C11orf65: variants seen among roughly 807,000 people sequenced by gnomAD.
C11orf65 encodes the protein protein MFI.
Under a neutral mutation model 35.3 loss-of-function variants are expected in C11orf65, and 38 were observed. The ratio of observed to expected loss-of-function variants is 1.08; its 90% confidence interval spans 0.83 to 1.41. The LOEUF is 1.41. Ranked by LOEUF, C11orf65 falls within the 40% of genes most tolerant of loss-of-function variation. The pLI is 0.00. For synonymous variants in C11orf65, 105 were observed against 114.4 expected (o/e 0.92, Z 0.53); for missense variants, 370 against 367.1 (o/e 1.01, Z -0.06).
intron 7 of C11orf65, 90 bp downstream of exon 7, chr11:108,393,118 T>C: frequency 7.4e-7 from 1 of 1,354,482 alleles, no homozygotes; most frequent in Non-Finnish European, 1.0e-6. Flanking sequence ...AGATTGTTTG[T>C]GGCCCCAAGA....
intron 6 of C11orf65, among the ~76,000 whole-genome samples, chr11:108,309,972 T>G (rs536283561): frequency 1.2e-3 from 175 of 152,170 alleles, no homozygotes; most frequent in Non-Finnish European, 2.3e-3. Context: ...CCAAAAAGAT[T>G]AATTAAATAG....
chr11:108,330,549 G>A, downstream of C11orf65: 1 of 927,714 alleles, frequency 1.1e-6, no homozygotes, highest in African/African-American at 1.6e-5. Flanking sequence ...CACATAAGTA[G>A]CATTTTGTAG....
At chr11:108,427,827 T>TA (rs2092927740) in intron 3 of C11orf65, among the ~76,000 whole-genome samples, 1 of 80,012 alleles carries the variant, frequency 1.2e-5, no homozygotes, top group East Asian at 3.0e-4. Context: ...ATGGCAATCT[T>TA]TTTTTTTTTT....
downstream of C11orf65, among the ~76,000 whole-genome samples, chr11:108,331,016 T>G (rs1042755060): frequency 6.6e-6 from 1 of 152,194 alleles, no homozygotes; most frequent in Non-Finnish European, 1.5e-5. Context: ...AGGAAAATAA[T>G]AAGACTCATA....
downstream of C11orf65, chr11:108,327,614 T>A (rs774791583): frequency 2.6e-5 from 41 of 1,554,158 alleles, no homozygotes; most frequent in Non-Finnish European, 1.8e-6. Flanking sequence ...GGTAATGCAT[T>A]ATATTTTAAG....
exon 7 of C11orf65, chr11:108,308,942 GT>G (rs892462132): frequency 1.5e-4 from 206 of 1,384,444 alleles, no homozygotes; most frequent in Non-Finnish European, 1.9e-4. Flanking sequence ...TTGGGAGGCA[GT>G]TTTACCTTTG....
intron 1 of C11orf65, among the ~76,000 whole-genome samples, chr11:108,465,698 A>G (rs955983931): frequency 6.6e-6 from 1 of 151,992 alleles, no homozygotes; most frequent in African/African-American, 2.4e-5. Flanking sequence ...TTTTTAAAAA[A>G]AAAAGGCTGG....
chr11:108,331,526 G>A lies in C11orf65; in HGVS notation c.*24C>T, dbSNP rs864622688. On this transcript the variant is annotated 3_prime_UTR_variant, in exon 4 of 4. Coordinates refer to the C11orf65 transcript ENST00000524755. Reference sequence around the variant, plus strand: ...GCTAGAATGGGGACCAAGATGATGGGAGGCCTAGGATTTCATGAAGTCCTC... The same window carrying A: ...GCTAGAATGGGGACCAAGATGATGGAAGGCCTAGGATTTCATGAAGTCCTC... The A allele has an allele frequency of 6.2e-7, 1 of 1,612,914 alleles. No homozygotes were observed. Among genetic ancestry groups the A allele is most frequent in the Non-Finnish European group, 8.5e-7 (1 of 1,179,622 alleles).
chr11:108,408,696 AAT>A (rs1565659928), intron 3 of C11orf65, among the ~76,000 whole-genome samples: 1 of 107,226 alleles, frequency 9.3e-6, no homozygotes, highest in Non-Finnish European at 1.8e-5. Context: ...AATAAAATAA[AAT>A]AAAATAAAAT....
At chr11:108,426,778 C>T (rs1410402696) in intron 3 of C11orf65, among the ~76,000 whole-genome samples, 1 of 152,148 alleles carries the variant, frequency 6.6e-6, no homozygotes, top group Non-Finnish European at 1.5e-5. Context: ...ACCAAAACAG[C>T]ATGGTACTGA....
At chr11:108,388,243 C>T (rs2092060394) in intron 7 of C11orf65, among the ~76,000 whole-genome samples, 1 of 152,108 alleles carries the variant, frequency 6.6e-6, no homozygotes, top group Non-Finnish European at 1.5e-5. Context: ...CTGCTTTATC[C>T]AAGATTAGCA....
At chr11:108,451,153 G>C (rs980319085) in intron 2 of C11orf65, among the ~76,000 whole-genome samples, 95 of 151,976 alleles carry the variant, frequency 6.3e-4, no homozygotes, top group Middle Eastern at 3.4e-3. Flanking sequence ...GGAAGTTCGG[G>C]CAGGGCAATC....
intron 1 of C11orf65, among the ~76,000 whole-genome samples, chr11:108,464,348 A>ACAG (rs369614596): frequency 0.28 from 42,609 of 151,708 alleles, 7,112 homozygotes; most frequent in Middle Eastern, 0.53. Context: ...CCAGGCTGGA[A>ACAG]TGCAGTGGAG....
At chr11:108,382,312 A>G (rs750348476), downstream of C11orf65, among the ~76,000 whole-genome samples, 2 of 152,222 alleles carry the variant, frequency 1.3e-5, no homozygotes, top group Non-Finnish European at 2.9e-5. Context: ...ATGGGAATCC[A>G]AAGAGTTGTA....
chr11:108,432,734 G>A (rs1044346978), intron 2 of C11orf65, among the ~76,000 whole-genome samples: 1 of 152,130 alleles, frequency 6.6e-6, no homozygotes, highest in African/African-American at 2.4e-5. Flanking sequence ...AGATGGTACA[G>A]CCCATGTCTA....
intron 7 of C11orf65, 94 bp downstream of exon 7, chr11:108,393,110 ATTGT>A (rs1177559766): frequency 7.8e-7 from 1 of 1,287,068 alleles, no homozygotes; most frequent in Admixed American, 2.3e-5. Context: ...TTCTTTGAAG[ATTGT>A]TTGTGGCCCC....
chr11:108,429,432 A>G (rs1434340407), intron 3 of C11orf65, among the ~76,000 whole-genome samples: 2 of 152,114 alleles, frequency 1.3e-5, no homozygotes, highest in African/African-American at 4.8e-5. Context: ...AAATCAAAGG[A>G]AAGACTCCAT....
chr11:108,420,929 C>T (rs1406858222), intron 3 of C11orf65, among the ~76,000 whole-genome samples: 1 of 152,012 alleles, frequency 6.6e-6, no homozygotes, highest in African/African-American at 2.4e-5. Context: ...TTCCAATAGA[C>T]TTTAAAAATA....
At position 108,362,493 on chromosome 11, in the gene C11orf65, T is replaced by G. The variant is rs1170253284; in HGVS notation, c.227-27201A>C. ...TAAATCATGCTGCTATAAAGACACA[T>G]GCACACGTATGTTTATTGCGGCATT... On this transcript the variant is annotated intron_variant, in intron 2 of 3. Coordinates refer to the C11orf65 transcript ENST00000524755. Among the ~76,000 whole-genome samples the G allele has an allele frequency of 1.8e-3, 273 of 149,864 alleles. 2 individuals carry two copies. The highest frequency in any genetic ancestry group is 6.4e-3 in the African/African-American group (263 of 41,190).
Sources: gnomAD v4.1 joint callset for allele counts (sites outside exome capture counted in the v4.1 genomes callset) on GRCh38, gnomAD v4.1.1 for gene constraint, MANE v1.5 for transcripts, NCBI Gene and HGNC (gene_info 2026-07-23, HGNC 2026-07-21) for gene names.